The following RABGAP1L variants were observed in gnomAD, a reference collection of about 807,000 sequenced individuals.
The protein encoded by RABGAP1L is RAB GTPase activating protein 1 like.
In RABGAP1L, 63 loss-of-function variants were observed where a neutral mutation model predicts 137.7. The observed-to-expected ratio is 0.46, with a 90% CI of 0.37 to 0.56. The LOEUF is 0.56. Ranked by LOEUF, RABGAP1L falls within the 20% of genes least tolerant of loss-of-function variation. RABGAP1L has a pLI of 0.00. For missense variants in RABGAP1L, 1,095 were observed against 1,244.0 expected (o/e 0.88, Z 1.80); for synonymous variants, 431 against 433.7 (o/e 0.99, Z 0.08).
chr1:174,558,562 G>C lies in RABGAP1L; in HGVS notation c.1711-78813G>C, dbSNP rs559616843. 2.6e-5 allele frequency among the ~76,000 whole-genome samples: 4 copies of C among 152,308 alleles called. No homozygotes were observed. The Middle Eastern group carries it at 0.014, about 518-fold the overall frequency. On this transcript the variant is annotated intron_variant, in intron 13 of 25. Coordinates refer to ENST00000681986, the MANE Select transcript of RABGAP1L (RefSeq NM_001366446.1). The stretch of plus-strand genomic sequence containing the variant: ...AAAGGAAGACCAATTAATGGTTAAA[G>C]GTAGAAGTATCTGGACCTCTACTCC...
chr1:174,833,449 GATATAT>G lies in RABGAP1L; in HGVS notation c.2340+21503_2340+21508del, dbSNP rs760181639. Among the ~76,000 whole-genome samples the G allele has an allele frequency of 1.0e-3, 28 of 27,854 alleles. 3 individuals are homozygous for G. Among genetic ancestry groups the G allele is most frequent in the Admixed American group, 7.1e-3 (12 of 1,684 alleles). 18.3% of individuals were successfully genotyped at this position (27,854 alleles called of 152,430 possible). A position where few individuals can be genotyped will look rare whatever the true frequency, so the allele number is the denominator to read the frequency against. On this transcript the variant is annotated intron_variant, in intron 19 of 25. Transcript: ENST00000681986. ...ATATATATATGTGTGTGTGTGTAGA[GATATAT>G]ATATATATATATAGTAGAGACAGGG...
intron 14 of RABGAP1L, among the ~76,000 whole-genome samples, chr1:174,656,974 C>G (rs1676017789): frequency 6.6e-6 from 1 of 152,028 alleles, no homozygotes; most frequent in Non-Finnish European, 1.5e-5. Context: ...GTAGAGCCTT[C>G]TCAGGACTTT....
chr1:174,969,942 A>T (rs1669993930), intron 21 of RABGAP1L, among the ~76,000 whole-genome samples: 1 of 152,242 alleles, frequency 6.6e-6, no homozygotes, highest in Non-Finnish European at 1.5e-5. Flanking sequence ...TCTCATAGAG[A>T]TGATATAACA....
chr1:174,550,647 CTT>C (rs1666360225), intron 13 of RABGAP1L, among the ~76,000 whole-genome samples: 1 of 151,606 alleles, frequency 6.6e-6, no homozygotes, highest in Non-Finnish European at 1.5e-5. Context: ...TCTGATAGAA[CTT>C]TTAGATAGAA....
intron 13 of RABGAP1L, among the ~76,000 whole-genome samples, chr1:174,637,016 A>T (rs925645894): frequency 4.6e-5 from 7 of 152,168 alleles, no homozygotes; most frequent in Non-Finnish European, 7.4e-5. Context: ...ACAGAGAATA[A>T]ACTATATGTA....
chr1:174,511,075 C>G (rs898085768), intron 13 of RABGAP1L, among the ~76,000 whole-genome samples: 1 of 152,064 alleles, frequency 6.6e-6, no homozygotes, highest in Non-Finnish European at 1.5e-5. Flanking sequence ...ATGGGGGACT[C>G]CAGATTCATA....
chr1:174,561,758 G>T (rs971742205), intron 13 of RABGAP1L, among the ~76,000 whole-genome samples: 9 of 152,106 alleles, frequency 5.9e-5, no homozygotes, highest in African/African-American at 1.9e-4. Context: ...ATGGGGGAAA[G>T]ATTCCGTATT....
chr1:174,182,113 C>T (rs184159760), intron 1 of RABGAP1L, among the ~76,000 whole-genome samples: 154 of 152,234 alleles, frequency 1.0e-3, no homozygotes, highest in African/African-American at 3.6e-3. Flanking sequence ...ATTAATATAA[C>T]TGTGTCCTCC....
At chr1:174,356,400 GA>G (rs373868886) in intron 11 of RABGAP1L, among the ~76,000 whole-genome samples, 14 of 151,602 alleles carry the variant, frequency 9.2e-5, no homozygotes, top group African/African-American at 1.7e-4. Flanking sequence ...GTTAAAAAAA[GA>G]AAAAAAATGA....
At chr1:174,455,437 A>C (rs535776342) in intron 13 of RABGAP1L, among the ~76,000 whole-genome samples, 1 of 152,266 alleles carries the variant, frequency 6.6e-6, no homozygotes, top group South Asian at 2.1e-4. Context: ...TGCAAGGCAC[A>C]AACAAGGTAC....
intron 10 of RABGAP1L, among the ~76,000 whole-genome samples, chr1:174,279,750 T>C (rs1675330322): frequency 6.6e-6 from 1 of 152,200 alleles, no homozygotes; most frequent in Admixed American, 6.5e-5. Context: ...TGAGCAATAT[T>C]CAAACTTCAG....
intron 14 of RABGAP1L, among the ~76,000 whole-genome samples, chr1:174,641,822 AT>A (rs1180376403): frequency 6.6e-6 from 1 of 151,936 alleles, no homozygotes; most frequent in African/African-American, 2.4e-5. Flanking sequence ...TGTTGTTCAA[AT>A]TTTTTTTCCT....
intron 20 of RABGAP1L, among the ~76,000 whole-genome samples, chr1:174,967,578 G>A (rs1416987987): frequency 6.6e-6 from 1 of 151,830 alleles, no homozygotes; most frequent in African/African-American, 2.4e-5. Context: ...ACCTCAAGTG[G>A]TCCACCCACC....
rs145751076 is a variant in RABGAP1L, at chr1:174,317,914, C to G, written c.1465+12787C>G. Reference sequence around the variant, plus strand: ...GTTGGGTCAGGTTTTGCTATCTCCTCTAACAGGACAGCACTAAGTTCAGTG... The same window carrying G: ...GTTGGGTCAGGTTTTGCTATCTCCTGTAACAGGACAGCACTAAGTTCAGTG... On this transcript the variant is annotated intron_variant, in intron 11 of 25. Coordinates refer to ENST00000681986, the MANE Select transcript of RABGAP1L (RefSeq NM_001366446.1). Among the ~76,000 whole-genome samples, 1,049 of 152,222 alleles carry G rather than the reference C, an allele frequency of 6.9e-3. 9 individuals carry two copies. Among genetic ancestry groups the G allele is most frequent in the Middle Eastern group, 0.014 (4 of 294 alleles).
intron 10 of RABGAP1L, among the ~76,000 whole-genome samples, chr1:174,280,583 T>C (rs1428454348): frequency 6.6e-6 from 1 of 152,142 alleles, no homozygotes; most frequent in Non-Finnish European, 1.5e-5. Context: ...ATAGCAGAAC[T>C]TTATGTGTGG....
At chr1:174,195,750 TCTCTCTTTCTCTCTTTCTCTCTTTC>T in intron 1 of RABGAP1L, among the ~76,000 whole-genome samples, 1 of 138,546 alleles carries the variant, frequency 7.2e-6, no homozygotes, top group South Asian at 2.3e-4. Context: ...TTTCTTTCTT[TCTCTCTTTCTCTCTTTCTCTCTTTC>T]CTTTCTTTCT....
At chr1:174,675,211 T>TA (rs1306499786) in intron 14 of RABGAP1L, among the ~76,000 whole-genome samples, 2 of 152,200 alleles carry the variant, frequency 1.3e-5, no homozygotes, top group Non-Finnish European at 2.9e-5. Flanking sequence ...CTAGGGTTTT[T>TA]ATGGTTTTAG....
At chr1:174,443,404 A>G (rs760304843) in intron 13 of RABGAP1L, among the ~76,000 whole-genome samples, 4 of 152,154 alleles carry the variant, frequency 2.6e-5, no homozygotes, top group South Asian at 2.1e-4. Flanking sequence ...TCTTTTTGGT[A>G]ATAGCCATAT....
chr1:174,806,439 GAAAC>G (rs1212391577), intron 18 of RABGAP1L, among the ~76,000 whole-genome samples: 1 of 152,006 alleles, frequency 6.6e-6, no homozygotes, highest in Non-Finnish European at 1.5e-5. Flanking sequence ...ATCTGTAAAA[GAAAC>G]AAACAAAAAA....
Sources: allele counts gnomAD v4.1 joint callset (sites outside exome capture counted in the v4.1 genomes callset), GRCh38; gene constraint gnomAD v4.1.1; transcripts MANE v1.5; gene names NCBI Gene and HGNC (gene_info 2026-07-23, HGNC 2026-07-21).